MYO1B: variants seen among roughly 807,000 people sequenced by gnomAD.
MYO1B encodes myosin IB.
In MYO1B, 72 loss-of-function variants were observed where a neutral mutation model predicts 159.7. That is an observed-to-expected ratio of 0.45 (90% CI 0.37 to 0.55). The LOEUF (loss-of-function observed/expected upper bound fraction) is 0.55. MYO1B is among the 20% of genes least tolerant of loss of function. The probability of loss-of-function intolerance (pLI) is 0.00; values close to 1 mark genes in which losing one functional copy is unlikely to be tolerated. For missense variants in MYO1B, 1,062 were observed against 1,364.8 expected (o/e 0.78, Z 3.50); for synonymous variants, 468 against 473.8 (o/e 0.99, Z 0.16).
At position 191,330,005 on chromosome 2, in the gene MYO1B, G is replaced by A; in HGVS notation, c.322G>A (p.Gly108Arg). Residue 108 changes from glycine to arginine, a missense_variant, in exon 4 of 31, where the codon GGG (glycine) becomes AGG (arginine). Physicochemically the swap from Gly to Arg is moderately radical, Grantham distance 125. Around this residue, in one of 5 missense-constraint regions of MYO1B, gnomAD observed 415 missense variants for 544.0 expected, o/e 0.76. Transcript: ENST00000392318. ...QDKDQCILIT[G>R]ESGAGKTEAS... ...TAAGGACCAATGTATTCTCATTACT[G>A]GGGAAAGTGGAGCAGGAAAAACAGG... The A allele has an allele frequency of 6.2e-7, 1 of 1,611,930 alleles. No homozygotes were observed.
chr2:191,325,796 G>A (rs1320840568), intron 3 of MYO1B, among the ~76,000 whole-genome samples: 1 of 152,042 alleles, frequency 6.6e-6, no homozygotes, highest in South Asian at 2.1e-4. Flanking sequence ...AAAAATACCA[G>A]CTAGACAATT....
chr2:191,329,794 A>G, intron 3 of MYO1B, 141 bp from the exon 4 acceptor site: 1 of 597,186 alleles, frequency 1.7e-6, no homozygotes, highest in Non-Finnish European at 2.9e-6. Context: ...ATGGATTTTA[A>G]GAATTCAAAG....
At chr2:191,246,609 G>T (rs183132674) in intron 1 of MYO1B, among the ~76,000 whole-genome samples, 8 of 150,520 alleles carry the variant, frequency 5.3e-5, no homozygotes, top group African/African-American at 2.0e-4. Context: ...TGGTATTGGT[G>T]TGTATGTGTG....
intron 3 of MYO1B, among the ~76,000 whole-genome samples, chr2:191,313,099 G>T (rs1690107655): frequency 6.7e-6 from 1 of 150,042 alleles, no homozygotes; most frequent in South Asian, 2.1e-4. Flanking sequence ...TTTGATGGGG[G>T]TCTGTTGGGT....
At chr2:191,325,206 G>A (rs1479164634) in intron 3 of MYO1B, among the ~76,000 whole-genome samples, 2 of 152,122 alleles carry the variant, frequency 1.3e-5, no homozygotes, top group African/African-American at 2.4e-5. Context: ...ACCAGAGCTA[G>A]TAAGGAAAAG....
chr2:191,253,765 G>T (rs904690625), intron 1 of MYO1B, among the ~76,000 whole-genome samples: 1 of 152,158 alleles, frequency 6.6e-6, no homozygotes. Flanking sequence ...CAACAAGCTT[G>T]TTGCTTGTGG....
At chr2:191,258,192 A>C (rs1195792830) in intron 1 of MYO1B, among the ~76,000 whole-genome samples, 1 of 152,222 alleles carries the variant, frequency 6.6e-6, no homozygotes, top group African/African-American at 2.4e-5. Flanking sequence ...TACAGCCAAC[A>C]CAAGTATAGC....
In MYO1B at chr2:191,296,102, C is replaced by G. The variant is rs1337328109; in HGVS notation, c.136-9C>G. The stretch of plus-strand genomic sequence containing the variant: ...AACTAATGGGCATGTTTTGTTCTTT[C>G]TTTTGCAGACATACATTGGAAGTGT... On this transcript the variant is annotated splice_polypyrimidine_tract_variant and intron_variant, in intron 2 of 30. Coordinates refer to ENST00000392318, the MANE Select transcript of MYO1B (RefSeq NM_001130158.3). 6.5e-7 allele frequency: 1 copy of G among 1,530,478 alleles called. No individual in the cohort carries two copies. Among genetic ancestry groups the G allele is most frequent in the Middle Eastern group, 1.7e-4 (1 of 5,848 alleles). 94.8% of individuals were successfully genotyped at this position (1,530,478 alleles called of 1,614,324 possible). A position where few individuals can be genotyped will look rare whatever the true frequency, so the allele number is the denominator to read the frequency against.
In MYO1B at chr2:191,385,114, G is replaced by A. The variant is rs1302760402; in HGVS notation, c.1354-770G>A. 2.0e-5 allele frequency among the ~76,000 whole-genome samples: 3 copies of A among 152,178 alleles called. No individual in the cohort carries two copies. In the East Asian group the frequency reaches 5.8e-4, roughly 29 times the overall value. On this transcript the variant is annotated intron_variant, in intron 15 of 30. Coordinates refer to ENST00000392318, the MANE Select transcript of MYO1B (RefSeq NM_001130158.3). ...GAATTAAGACTTATGACCCCATAGG[G>A]GCAGTCCATGGAGTAGCAGTCTTTA...
chr2:191,346,085 A>G, intron 5 of MYO1B, 151 bp from the exon 6 acceptor site: 1 of 638,422 alleles, frequency 1.6e-6, no homozygotes, highest in Non-Finnish European at 2.7e-6. Context: ...ACTTCTGTTA[A>G]GTATATTTCT....
intron 3 of MYO1B, among the ~76,000 whole-genome samples, chr2:191,308,115 G>C (rs1689764415): frequency 6.6e-6 from 1 of 152,064 alleles, no homozygotes; most frequent in African/African-American, 2.4e-5. Context: ...TCCCTATCCT[G>C]ATGCTACTGA....
intron 25 of MYO1B, among the ~76,000 whole-genome samples, 165 bp downstream of exon 25, chr2:191,408,354 CT>C (rs1386251895): frequency 6.6e-6 from 1 of 152,172 alleles, no homozygotes; most frequent in African/African-American, 2.4e-5. Flanking sequence ...TTAAAATCAT[CT>C]TCTTCCAAAT....
At chr2:191,319,111 C>G (rs1690539486) in intron 3 of MYO1B, among the ~76,000 whole-genome samples, 1 of 152,072 alleles carries the variant, frequency 6.6e-6, no homozygotes, top group Non-Finnish European at 1.5e-5. Flanking sequence ...TTTGCTTTAC[C>G]CATTCTTGTG....
At chr2:191,382,407 A>G (rs1022526251) in intron 14 of MYO1B, among the ~76,000 whole-genome samples, 2 of 152,158 alleles carry the variant, frequency 1.3e-5, no homozygotes, top group Non-Finnish European at 2.9e-5. Context: ...TAAATATTTC[A>G]TCTTTATTTT....
At chr2:191,296,485 G>GCAGCTGCTGCTAA (rs1688993280) in intron 3 of MYO1B, among the ~76,000 whole-genome samples, 2 of 152,148 alleles carry the variant, frequency 1.3e-5, no homozygotes, top group African/African-American at 4.8e-5. Flanking sequence ...TTTGCAAGTA[G>GCAGCTGCTGCTAA]CAGCTGCTGC....
At chr2:191,383,473 T>TATATATATATATATGC (rs1170563038) in intron 15 of MYO1B, 131 bp downstream of exon 15, 5 of 119,862 alleles carry the variant, frequency 4.2e-5, no homozygotes, top group African/African-American at 1.9e-4. Context: ...TATATATATA[T>TATATATATATATATGC]ACACACACAC....
At chr2:191,381,621 A>T in intron 14 of MYO1B, 55 bp downstream of exon 14, 1 of 1,265,020 alleles carries the variant, frequency 7.9e-7, no homozygotes, top group Admixed American at 1.8e-5. Context: ...TCGTAATATA[A>T]ATTCTAATTC....
At chr2:191,384,356 G>A (rs1695277469) in intron 15 of MYO1B, among the ~76,000 whole-genome samples, 1 of 152,200 alleles carries the variant, frequency 6.6e-6, no homozygotes, top group African/African-American at 2.4e-5. Flanking sequence ...ACAGTCACAT[G>A]CTCTGAATGA....
At position 191,400,858 on chromosome 2, in the gene MYO1B, C is replaced by A. The variant is rs759693619; in HGVS notation, c.2469+23C>A. ...AAGGTACTTGATGCACATATCCCAA[C>A]ACTCCATCCTGGAATTCTGCAATAA... On this transcript the variant is annotated intron_variant, in intron 23 of 30. Coordinates refer to ENST00000392318, the MANE Select transcript of MYO1B (RefSeq NM_001130158.3). 1.2e-6 allele frequency: 2 copies of A among 1,605,738 alleles called. 1 individual carries two copies. Among genetic ancestry groups the A allele is most frequent in the South Asian group, 2.2e-5 (2 of 90,446 alleles).
Sources: allele counts gnomAD v4.1 joint callset (sites outside exome capture counted in the v4.1 genomes callset), GRCh38; gene constraint gnomAD v4.1.1; regional missense constraint gnomAD v4.1.1; transcripts MANE v1.5; gene names NCBI Gene and HGNC (gene_info 2026-07-23, HGNC 2026-07-21).